The following POLR3C variants were observed in gnomAD, a reference collection of about 807,000 sequenced individuals.
The protein encoded by POLR3C is DNA-directed RNA polymerase III subunit RPC3.
A neutral mutation model predicts 65.9 loss-of-function variants in POLR3C; 44 were observed. The ratio of observed to expected loss-of-function variants is 0.67; its 90% CI spans 0.52 to 0.86. POLR3C has a LOEUF of 0.86. POLR3C is among the 40% of genes least tolerant of loss of function. The pLI is 0.00. For synonymous variants in POLR3C, 263 were observed against 231.6 expected, an observed-to-expected ratio of 1.14 and a Z score of -1.23; for missense variants, 576 against 653.2, an observed-to-expected ratio of 0.88 and a Z score of 1.29.
At chr1:145,842,232 C>G in intron 14 of POLR3C, 107 bp from the exon 15 acceptor site, 1 of 676,460 alleles carries the variant, frequency 1.5e-6, no homozygotes, top group South Asian at 1.8e-5. Flanking sequence ...TCCATCCACT[C>G]TCAAGGGTAA....
chr1:145,831,536 GAGTT>G (rs1462155293), intron 5 of POLR3C, among the ~76,000 whole-genome samples: 1 of 149,630 alleles, frequency 6.7e-6, no homozygotes, highest in African/African-American at 2.5e-5. Flanking sequence ...AAAAAAGAGA[GAGTT>G]CTAGGATAGA....
chr1:145,827,959 G>A (rs1310923438), intron 4 of POLR3C, among the ~76,000 whole-genome samples: 3 of 151,532 alleles, frequency 2.0e-5, no homozygotes, highest in African/African-American at 4.8e-5. Context: ...AATATATAAC[G>A]AGAGACGGGA....
intron 4 of POLR3C, among the ~76,000 whole-genome samples, 172 bp downstream of exon 4, chr1:145,827,177 C>T (rs888963556): frequency 6.6e-5 from 10 of 152,124 alleles, no homozygotes; most frequent in Non-Finnish European, 1.0e-4. Flanking sequence ...GTATAGGAGA[C>T]ATACATTAAT....
At chr1:145,836,462 C>CA (rs781831050) in intron 7 of POLR3C, 32 bp from the exon 8 acceptor site, 1 of 1,308,218 alleles carries the variant, frequency 7.6e-7, no homozygotes, top group Non-Finnish European at 1.1e-6. Flanking sequence ...TCTAAGTTCC[C>CA]AAACCCATTT....
At position 145,838,131 on chromosome 1, in the gene POLR3C, C is replaced by T; in HGVS notation, c.1146C>T (p.Asp382=). The T allele has an allele frequency of 6.2e-7, 1 of 1,613,004 alleles. No individual in the cohort carries two copies. The highest frequency in any genetic ancestry group is 8.5e-7 in the Non-Finnish European group (1 of 1,178,924). Residue 382 remains aspartate (D), a synonymous_variant, in exon 11 of 15, where the codon GAC becomes GAT. Coordinates refer to ENST00000334163, the MANE Select transcript of POLR3C (RefSeq NM_006468.8). The stretch of plus-strand genomic sequence containing the variant: ...ACATAGAGCAGAAGCAAGTGGAAGA[C>T]TTTGCAATGATTCCTGCAAAGGAGG... ...KKHIEQKQVE[D]FAMIPAKEAK...
rs2101662763 is a variant in POLR3C, at chr1:145,843,358, TC to T, written c.*939del. On this transcript the variant is annotated 3_prime_UTR_variant, in exon 15 of 15. Coordinates refer to ENST00000334163, the MANE Select transcript of POLR3C (RefSeq NM_006468.8). ...TATAATTTGTCCCAGCAGCTTTAAT[TC>T]ATTTAAAGCAGTTAGATGTTTTATA... 6.8e-6 allele frequency among the ~76,000 whole-genome samples: 1 copy of T among 146,294 alleles called. No homozygotes were observed. The highest frequency in any genetic ancestry group is 2.6e-5 in the African/African-American group (1 of 39,078).
chr1:145,833,210 C>T, intron 5 of POLR3C, 50 bp from the exon 6 acceptor site: 1 of 1,067,384 alleles, frequency 9.4e-7, no homozygotes, highest in South Asian at 1.4e-5. Context: ...AAGCTCCTCA[C>T]CAGAAAACTT....
Position 145,836,826 on chromosome 1 carries a change from T to G in POLR3C, c.969T>G (p.Val323=). The part of the protein sequence containing the change: ...TLLADDPLEF[V]GKSGDSGGGM... ...CTTTTTCTTAATAGCTAGAGTTTGT[T>G]GGAAAGTCTGGCGACAGTGGTGGAG... The change falls in exon 9 of 15, where the codon GTT becomes GTG. Residue 323 remains valine (V), a synonymous_variant. Coordinates refer to ENST00000334163, the MANE Select transcript of POLR3C (RefSeq NM_006468.8). The G allele has an allele frequency of 6.3e-7, 1 of 1,591,602 alleles. No homozygotes were observed. The highest frequency in any genetic ancestry group is 8.6e-7 in the Non-Finnish European group (1 of 1,160,996).
At position 145,843,345 on chromosome 1, in the gene POLR3C, C is replaced by T. The variant is rs1361112654; in HGVS notation, c.*925C>T. Among the ~76,000 whole-genome samples the T allele has an allele frequency of 2.6e-5, 4 of 151,302 alleles. No homozygotes were observed. Among genetic ancestry groups the T allele is most frequent in the Admixed American group, 6.6e-5 (1 of 15,120 alleles). ...TCAGTATCACGGATATAATTTGTCC[C>T]AGCAGCTTTAATTCATTTAAAGCAG... On this transcript the variant is annotated 3_prime_UTR_variant, in exon 15 of 15. Coordinates refer to ENST00000334163, the MANE Select transcript of POLR3C (RefSeq NM_006468.8).
rs1650783385 is a variant in POLR3C at position 145,826,706 on chromosome 1, G to GT, written c.400_401insT (p.Glu134ValfsTer10). 6.2e-7 allele frequency: 1 copy of GT among 1,614,040 alleles called. No homozygotes were observed. Among genetic ancestry groups the GT allele is most frequent in the African/African-American group, 1.3e-5 (1 of 74,914 alleles). ...GGCAGACCGGCTCACAGAGACCATG[G>GT]AGGGTCAGTATGGTATCCATAGCTG... On this transcript the variant is annotated frameshift_variant, in exon 3 of 15. Coordinates refer to ENST00000334163, the MANE Select transcript of POLR3C (RefSeq NM_006468.8). LOFTEE classifies it high-confidence loss of function.
At chr1:145,836,245 C>A (rs1553728595) in intron 7 of POLR3C, among the ~76,000 whole-genome samples, 1 of 152,100 alleles carries the variant, frequency 6.6e-6, no homozygotes, top group East Asian at 1.9e-4. Context: ...CTCAGCCTCC[C>A]AAATAGCTGG....
intron 1 of POLR3C, 23 bp from the exon 2 acceptor site, chr1:145,825,734 C>T (rs368152081): frequency 9.1e-6 from 14 of 1,537,026 alleles, no homozygotes; most frequent in Non-Finnish European, 1.3e-5. Flanking sequence ...TTCTATTGTA[C>T]CATTTTGGTG....
intron 13 of POLR3C, 51 bp from the exon 14 acceptor site, chr1:145,840,871 G>T: frequency 6.7e-7 from 1 of 1,495,916 alleles, no homozygotes; most frequent in South Asian, 1.1e-5. Flanking sequence ...CACGTGGTAA[G>T]AGAATCTCCC....
At chr1:145,839,624 T>C in intron 11 of POLR3C, 1 of 346,208 alleles carries the variant, frequency 2.9e-6, no homozygotes. Flanking sequence ...TTCCGGCTAC[T>C]TGGGGGACTG....
intron 5 of POLR3C, among the ~76,000 whole-genome samples, chr1:145,830,870 G>A (rs1553726987): frequency 6.6e-6 from 1 of 151,910 alleles, no homozygotes; most frequent in African/African-American, 2.4e-5. Context: ...TTGGGAGGCT[G>A]ACGTAGAAGA....
chr1:145,840,145 A>G lies in POLR3C; in HGVS notation c.1353A>G (p.Gln451=), dbSNP rs1553730078. 12 of 1,601,192 alleles carry G rather than the reference A, an allele frequency of 7.5e-6. No homozygotes were observed. In the South Asian group the frequency reaches 8.8e-5, roughly 12 times the overall value. ...KSIANLIERR[Q]FETKENKRLL... is the part of the protein sequence containing the mutation. ...TAGCCAACTTGATAGAAAGGAGGCA[A>G]TTTGAAACCAAAGAGAATAAGTAAG... The change falls in exon 13 of 15, where the codon CAA becomes CAG. Residue 451 remains glutamine (Q), a synonymous_variant. Transcript: ENST00000334163.
chr1:145,834,604 G>A (rs1250459600), intron 7 of POLR3C, among the ~76,000 whole-genome samples: 6 of 152,086 alleles, frequency 3.9e-5, no homozygotes, highest in African/African-American at 1.4e-4. Context: ...GAACCCAGGA[G>A]GCAGAGGTTG....
At chr1:145,829,322 G>A (rs587606464) in intron 5 of POLR3C, among the ~76,000 whole-genome samples, 8 of 152,250 alleles carry the variant, frequency 5.3e-5, no homozygotes, top group East Asian at 1.9e-4. Context: ...TAGGCCAGCC[G>A]CCTAGGACAC....
intron 4 of POLR3C, 29 bp downstream of exon 4, chr1:145,827,034 A>G: frequency 2.6e-6 from 4 of 1,515,666 alleles, no homozygotes. Context: ...TGGAACTGTG[A>G]CTTGCCTTAA....
Sources: allele counts gnomAD v4.1 joint callset (sites outside exome capture counted in the v4.1 genomes callset), GRCh38; gene constraint gnomAD v4.1.1; transcripts MANE v1.5; gene names NCBI Gene and HGNC (gene_info 2026-07-23, HGNC 2026-07-21).